Variants in PLAGL1 observed in about 807,000 individuals in gnomAD.
PLAGL1 encodes the protein PLAG1 like zinc finger 1.
Under a neutral mutation model 4.6 loss-of-function variants are expected in PLAGL1, and 1 was observed. That is an observed-to-expected ratio of 0.22 (90% confidence interval 0.08 to 1.03). PLAGL1 has a LOEUF of 1.03. Among genes scored for constraint, PLAGL1 ranks in the 50% least tolerant of loss-of-function variants. PLAGL1 has a pLI of 0.58. For synonymous variants in PLAGL1, 240 were observed against 237.8 expected, an observed-to-expected ratio of 1.01 and a Z score of -0.08; for missense variants, 464 against 570.4, an observed-to-expected ratio of 0.81 and a Z score of 1.90.
In PLAGL1 at chr6:143,960,993, A is replaced by G. The variant is rs1783279162; in HGVS notation, c.-398-451T>C. On this transcript the variant is annotated intron_variant, in intron 5 of 7. Transcript: ENST00000674357. The surrounding 1 kb of genome is among the most constrained non-coding windows in gnomAD (Gnocchi z 5.7). The stretch of plus-strand genomic sequence containing the variant: ...AGATTCATATAAACAAAGATTTATC[A>G]AATTTGCAGTGCAAGAAGGTTGAAG... The G allele has an allele frequency of 6.6e-6, 1 of 152,248 alleles. No individual in the cohort carries two copies. Among genetic ancestry groups the G allele is most frequent in the Non-Finnish European group, 1.5e-5 (1 of 68,040 alleles). 9.4% of individuals were successfully genotyped at this position (152,248 alleles called of 1,614,324 possible).
At chr6:144,035,344 C>T (rs1161001190) in intron 1 of PLAGL1, among the ~76,000 whole-genome samples, 2 of 152,210 alleles carry the variant, frequency 1.3e-5, no homozygotes, top group African/African-American at 4.8e-5. Flanking sequence ...CCATGGAAAA[C>T]CACTGGTGTA....
At chr6:143,951,032 T>C (rs1266027985) in intron 6 of PLAGL1, among the ~76,000 whole-genome samples, 3 of 152,316 alleles carry the variant, frequency 2.0e-5, no homozygotes, top group East Asian at 3.9e-4. Flanking sequence ...CCTCAGGTGT[T>C]TACCCTGAAG....
intron 1 of PLAGL1, among the ~76,000 whole-genome samples, chr6:144,001,740 A>T (rs1347086149): frequency 2.6e-5 from 4 of 152,308 alleles, no homozygotes; most frequent in Middle Eastern, 6.8e-3. Flanking sequence ...TGTGGCTATC[A>T]TATGCTGCCA....
chr6:143,941,597 G>T lies in PLAGL1; in HGVS notation c.1219C>A (p.Pro407Thr), dbSNP rs757445503. 7 of 1,611,412 alleles carry T rather than the reference G, an allele frequency of 4.3e-6. No homozygotes were observed. The highest frequency in any genetic ancestry group is 5.9e-6 in the Non-Finnish European group (7 of 1,178,216). The change falls in exon 8 of 8, where the codon CCT becomes ACT. Residue 407 changes from proline to threonine, a missense_variant. Physicochemically the swap from Pro to Thr is conservative, Grantham distance 38. Around this residue, in one of 4 missense-constraint regions of PLAGL1, gnomAD observed 248 missense variants for 250.1 expected, o/e 0.99. Coordinates refer to ENST00000674357, the MANE Select transcript of PLAGL1 (RefSeq NM_001317162.2). This position sits in a 1 kb window ranked among gnomAD's most constrained non-coding sequence, Gnocchi z 6.0. ...TFGNSTLALG[P>T]GESLPHRLSC... ...AACCTGTGGGGCAAAGATTCCCCAG[G>T]CCCCAGGGCAAGAGTGCTATTCCCA...
At chr6:144,044,999 G>GATTTTT (rs1798021374) in intron 1 of PLAGL1, among the ~76,000 whole-genome samples, 1 of 14,286 alleles carries the variant, frequency 7.0e-5, no homozygotes, top group East Asian at 4.2e-3. Context: ...TGCAACCCCT[G>GATTTTT]CTTTTTTTTT....
chr6:144,054,466 G>A (rs1302627600), intron 1 of PLAGL1, among the ~76,000 whole-genome samples: 1 of 152,148 alleles, frequency 6.6e-6, no homozygotes, highest in East Asian at 1.9e-4. Context: ...GATGAAGCTG[G>A]AAGCCATTAT....
intron 1 of PLAGL1, among the ~76,000 whole-genome samples, chr6:143,987,349 C>T (rs1486407123): frequency 6.7e-6 from 1 of 148,886 alleles, no homozygotes; most frequent in Non-Finnish European, 1.5e-5. Flanking sequence ...GAGTTAATGG[C>T]AGGTTGGCTC....
Position 144,048,392 on chromosome 6 carries a change from C to T in PLAGL1, c.-151+16076G>A, listed in dbSNP as rs564445443. Among the ~76,000 whole-genome samples, 33 of 152,340 alleles carry T rather than the reference C, an allele frequency of 2.2e-4. No homozygotes were observed. The highest frequency in any genetic ancestry group is 1.0e-3 in the South Asian group (5 of 4,826). ...AACCCCACATTTTCCTCCTGGACTA[C>T]GCTAGCAGAGGTTCTCCATGAGAGC... On this transcript the variant is annotated intron_variant, in intron 1 of 3. Coordinates refer to the PLAGL1 transcript ENST00000437412. This position sits in a 1 kb window ranked among gnomAD's most constrained non-coding sequence, Gnocchi z 4.8.
intron 1 of PLAGL1, among the ~76,000 whole-genome samples, chr6:144,026,284 G>A (rs1397783896): frequency 2.0e-5 from 3 of 152,166 alleles, no homozygotes; most frequent in African/African-American, 7.2e-5. Flanking sequence ...GCCTCAAGGA[G>A]CTTCGGTTTA....
chr6:144,027,302 G>T lies in PLAGL1; in HGVS notation c.-151+37166C>A, dbSNP rs903179911. ...AAGAAAGAAAGAAAGAAAGTTATTT[G>T]ATCTGAAGTACAATGTCTTTAAGAA... is the stretch of plus-strand genomic sequence containing the variant. On this transcript the variant is annotated intron_variant, in intron 1 of 3. Coordinates refer to the PLAGL1 transcript ENST00000437412. The surrounding 1 kb of genome is among the most constrained non-coding windows in gnomAD (Gnocchi z 5.8). Among the ~76,000 whole-genome samples the T allele has an allele frequency of 2.2e-5, 3 of 135,674 alleles. No individual in the cohort carries two copies. The East Asian group carries it at 6.1e-4, about 28-fold the overall frequency. 89.0% of individuals were successfully genotyped at this position (135,674 alleles called of 152,430 possible). A position where few individuals can be genotyped will look rare whatever the true frequency, so the allele number is the denominator to read the frequency against.
In PLAGL1 at chr6:143,942,628, T is replaced by C; in HGVS notation, c.188A>G (p.Gln63Arg). The change falls in exon 8 of 8, where the codon CAG becomes CGG. Residue 63 changes from glutamine (Q) to arginine (R), a missense_variant. Transcript: ENST00000674357. This position sits in a 1 kb window ranked among gnomAD's most constrained non-coding sequence, Gnocchi z 7.6. The stretch of plus-strand genomic sequence containing the variant: ...GAACGTCTTCTCACAGTGAGCACAC[T>C]GGTGAGATTTCTGGGGAGAATGGGT... ...MATHSPQKSHQCAHCEKTFNR... is the reference protein window; with the variant it reads ...MATHSPQKSHRCAHCEKTFNR... The C allele has an allele frequency of 1.2e-6, 2 of 1,613,826 alleles. No individual in the cohort carries two copies. The highest frequency in any genetic ancestry group is 1.7e-6 in the Non-Finnish European group (2 of 1,179,788).
At chr6:144,062,789 A>G (rs146544440) in intron 1 of PLAGL1, among the ~76,000 whole-genome samples, 1 of 152,306 alleles carries the variant, frequency 6.6e-6, no homozygotes, top group East Asian at 1.9e-4. Flanking sequence ...GTACATGAAG[A>G]TCCCCAACAC....
chr6:144,042,611 G>T (rs988169662), intron 1 of PLAGL1, among the ~76,000 whole-genome samples: 6 of 152,186 alleles, frequency 3.9e-5, no homozygotes, highest in Non-Finnish European at 7.3e-5. Flanking sequence ...GTAGCGTGAT[G>T]CCTCCAGCTT....
In PLAGL1 at chr6:144,048,054, T is replaced by A. The variant is rs1181322527; in HGVS notation, c.-151+16414A>T. On this transcript the variant is annotated intron_variant, in intron 1 of 3. Transcript: ENST00000437412. This position sits in a 1 kb window ranked among gnomAD's most constrained non-coding sequence, Gnocchi z 4.8. ...AAAAGGGCTACAGGCTCCATGCAAG[T>A]CCAAAATCCAAGGGGACAGTCATTA... is the stretch of plus-strand genomic sequence containing the variant. Among the ~76,000 whole-genome samples the A allele has an allele frequency of 1.3e-5, 2 of 152,126 alleles. No individual in the cohort carries two copies. The highest frequency in any genetic ancestry group is 4.8e-5 in the African/African-American group (2 of 41,424).
At chr6:144,060,779 T>C (rs1799326032) in intron 1 of PLAGL1, among the ~76,000 whole-genome samples, 1 of 152,228 alleles carries the variant, frequency 6.6e-6, no homozygotes, top group Non-Finnish European at 1.5e-5. Context: ...TATAGATCCA[T>C]GGTCCCCTCC....
chr6:144,031,453 T>G (rs1417708652), intron 1 of PLAGL1, among the ~76,000 whole-genome samples: 2 of 152,208 alleles, frequency 1.3e-5, no homozygotes. Context: ...ATTTTTCTGA[T>G]GTTATCTTCT....
rs1184829493 is a variant in PLAGL1, at chr6:144,050,204, C to T, written c.-151+14264G>A. On this transcript the variant is annotated intron_variant, in intron 1 of 3. Transcript: ENST00000437412. This position sits in a 1 kb window ranked among gnomAD's most constrained non-coding sequence, Gnocchi z 4.3. ...ACCACCTAAGGGAACAAGAGATTCA[C>T]ATTGCCCAGAACGTACTCATTCCAG... Among the ~76,000 whole-genome samples, 1 of 152,200 alleles carries T rather than the reference C, an allele frequency of 6.6e-6. No individual in the cohort carries two copies. Among genetic ancestry groups the T allele is most frequent in the Non-Finnish European group, 1.5e-5 (1 of 68,014 alleles).
chr6:144,011,971 G>C (rs1391725704), upstream of PLAGL1, among the ~76,000 whole-genome samples: 1 of 152,102 alleles, frequency 6.6e-6, no homozygotes, highest in African/African-American at 2.4e-5. The surrounding 1 kb of genome is among the most constrained non-coding windows in gnomAD (Gnocchi z 4.3). Flanking sequence ...TCCACATTGG[G>C]GGACGTTTGT....
rs1023685779 is a variant in PLAGL1 at position 143,985,785 on chromosome 6, G to C, written c.-583-611C>G. ...CATTTCAAAAATCAAAACGCAAAAAGTAAGGGAGTCAGAAATGTTGTCTGC... is the reference window on the plus strand; with the variant it reads ...CATTTCAAAAATCAAAACGCAAAAACTAAGGGAGTCAGAAATGTTGTCTGC... On this transcript the variant is annotated intron_variant, in intron 1 of 7. Coordinates refer to ENST00000674357, the MANE Select transcript of PLAGL1 (RefSeq NM_001317162.2). This position sits in a 1 kb window ranked among gnomAD's most constrained non-coding sequence, Gnocchi z 4.4. Among the ~76,000 whole-genome samples the C allele has an allele frequency of 1.3e-5, 2 of 151,328 alleles. No homozygotes were observed. The highest frequency in any genetic ancestry group is 1.3e-4 in the Admixed American group (2 of 15,156).
Sources: gnomAD v4.1 joint callset for allele counts (sites outside exome capture counted in the v4.1 genomes callset) on GRCh38, gnomAD v4.1.1 for gene constraint, gnomAD v4.1.1 regional missense constraint, Gnocchi (gnomAD v3.1) non-coding constraint, MANE v1.5 for transcripts, NCBI Gene and HGNC (gene_info 2026-07-23, HGNC 2026-07-21) for gene names.